GATA4: variants seen among roughly 807,000 people sequenced by gnomAD.
GATA4 encodes the protein transcription factor GATA-4.
A neutral mutation model predicts 37.9 loss-of-function variants in GATA4; 7 were observed. The ratio of observed to expected loss-of-function variants is 0.18; its 90% CI spans 0.11 to 0.35. The LOEUF is 0.35. Ranked by LOEUF, GATA4 falls within the 10% of genes least tolerant of loss-of-function variation. GATA4 has a pLI of 1.00. For missense variants in GATA4, 647 were observed against 653.0 expected (o/e 0.99, Z 0.10); for synonymous variants, 372 against 292.6 (o/e 1.27, Z -2.77).
chr8:11,712,415 C>T (rs1395296099), intron 2 of GATA4, among the ~76,000 whole-genome samples: 3 of 152,164 alleles, frequency 2.0e-5, no homozygotes, highest in Non-Finnish European at 4.4e-5. Flanking sequence ...CAGCATCATT[C>T]TTCCCTCTGC....
At chr8:11,680,344 G>C (rs1006018004) in intron 1 of GATA4, among the ~76,000 whole-genome samples, 1 of 152,262 alleles carries the variant, frequency 6.6e-6, no homozygotes, top group Non-Finnish European at 1.5e-5. Context: ...GGGCCCTGGA[G>C]CCGGGGAATC....
At chr8:11,728,022 C>T (rs938402952) in intron 2 of GATA4, among the ~76,000 whole-genome samples, 7 of 152,168 alleles carry the variant, frequency 4.6e-5, no homozygotes, top group South Asian at 2.1e-4. Flanking sequence ...TGGAGTTTCA[C>T]GCTTGTTGCC....
chr8:11,677,933 T>C (rs1798834386), intron 1 of GATA4, among the ~76,000 whole-genome samples: 1 of 151,908 alleles, frequency 6.6e-6, no homozygotes, highest in South Asian at 2.1e-4. Flanking sequence ...AAGTCGAAAT[T>C]ACCTCTACTT....
In GATA4 at chr8:11,709,018, G is replaced by A; in HGVS notation, c.616+90G>A. ...GAGGGCCTCTTGTTTTTCCACCAAC[G>A]CCTTCGTTGGGCTGGGGATGGTGCT... is the stretch of plus-strand genomic sequence containing the variant. On this transcript the variant is annotated intron_variant, in intron 2 of 6. Transcript: ENST00000532059. The surrounding 1 kb of genome is among the most constrained non-coding windows in gnomAD (Gnocchi z 4.3). The A allele has an allele frequency of 1.5e-6, 2 of 1,310,586 alleles. No homozygotes were observed. Among genetic ancestry groups the A allele is most frequent in the Non-Finnish European group, 2.0e-6 (2 of 991,146 alleles). The allele number at this position is 1,310,586 out of a possible 1,614,324, so 81.2% of individuals were successfully genotyped here.
intron 2 of GATA4, among the ~76,000 whole-genome samples, chr8:11,720,750 A>G (rs1172310259): frequency 1.3e-5 from 2 of 151,640 alleles, no homozygotes; most frequent in African/African-American, 4.8e-5. Flanking sequence ...CTACAGCTCC[A>G]TGTATGTTCC....
intron 2 of GATA4, among the ~76,000 whole-genome samples, chr8:11,719,766 TC>T (rs770972393): frequency 5.3e-4 from 81 of 152,192 alleles, no homozygotes; most frequent in Non-Finnish European, 7.8e-4. Context: ...CCAGATTGGA[TC>T]CTTAAACACT....
At chr8:11,677,186 GGGGGA>G in intron 1 of GATA4, 1 of 152,764 alleles carries the variant, frequency 6.5e-6, no homozygotes, top group Non-Finnish European at 1.5e-5. Context: ...AGAGGGAGGT[GGGGGA>G]GGGGAGGGGA....
At chr8:11,693,562 C>CACACACAGAGAG (rs1405047773) in intron 1 of GATA4, among the ~76,000 whole-genome samples, 3 of 72,230 alleles carry the variant, frequency 4.2e-5, no homozygotes, top group African/African-American at 1.5e-4. Flanking sequence ...CACACACACA[C>CACACACAGAGAG]AGAGAGAGAG....
rs568100849 is a variant in GATA4 at position 11,750,801 on chromosome 8, G to A, written c.912+565G>A. Among the ~76,000 whole-genome samples the A allele has an allele frequency of 7.1e-4, 99 of 140,414 alleles. 1 individual carries two copies. The highest frequency in any genetic ancestry group is 2.7e-3 in the African/African-American group (96 of 36,136). The allele number at this position is 140,414 out of a possible 152,430, so 92.1% of individuals were successfully genotyped here. A position where few individuals can be genotyped will look rare whatever the true frequency, so the allele number is the denominator to read the frequency against. ...AAAAAAAAAAAAAAAAAAAAATCTA[G>A]CTGGGCATGGTGGTGCATGCCTCTA... On this transcript the variant is annotated intron_variant, in intron 4 of 6. Transcript: ENST00000532059.
intron 1 of GATA4, among the ~76,000 whole-genome samples, chr8:11,683,773 GA>G (rs1373083436): frequency 1.3e-5 from 2 of 152,176 alleles, no homozygotes; most frequent in Non-Finnish European, 2.9e-5. Flanking sequence ...AAGGGCCCCA[GA>G]GGTTATCTAG....
intron 6 of GATA4, among the ~76,000 whole-genome samples, chr8:11,757,654 A>G (rs951913892): frequency 1.3e-5 from 2 of 152,216 alleles, no homozygotes; most frequent in African/African-American, 2.4e-5. Context: ...GGTCACAGGC[A>G]GGATGCCACT....
chr8:11,702,713 C>A (rs538023264), upstream of GATA4, among the ~76,000 whole-genome samples: 1 of 152,140 alleles, frequency 6.6e-6, no homozygotes, highest in African/African-American at 2.4e-5. The surrounding 1 kb of genome is among the most constrained non-coding windows in gnomAD (Gnocchi z 4.4). Context: ...AAGTGTGTCG[C>A]CCCCAGCTTC....
chr8:11,688,929 T>G (rs140689793), upstream of GATA4, among the ~76,000 whole-genome samples: 59 of 152,326 alleles, frequency 3.9e-4, no homozygotes, highest in African/African-American at 1.3e-3. Context: ...AATCAACAGA[T>G]GATTTATTTG....
At chr8:11,706,643 A>C (rs1585590786) in intron 1 of GATA4, among the ~76,000 whole-genome samples, 1 of 152,218 alleles carries the variant, frequency 6.6e-6, no homozygotes, top group Non-Finnish European at 1.5e-5. Flanking sequence ...ATTCTTGTAA[A>C]TCTACTATTG....
chr8:11,707,064 T>C lies in GATA4; in HGVS notation c.-457-792T>C, dbSNP rs1290449770. ...GCTTATGGGTGGATTTATTATTCTA[T>C]ATGAAGAACCCATTCAGTGAATTAG... is the stretch of plus-strand genomic sequence containing the variant. On this transcript the variant is annotated intron_variant, in intron 1 of 6. Coordinates refer to ENST00000532059, the MANE Select transcript of GATA4 (RefSeq NM_001308093.3). The surrounding 1 kb of genome is among the most constrained non-coding windows in gnomAD (Gnocchi z 4.7). 1.3e-5 allele frequency among the ~76,000 whole-genome samples: 2 copies of C among 152,244 alleles called. No homozygotes were observed. Among genetic ancestry groups the C allele is most frequent in the Non-Finnish European group, 2.9e-5 (2 of 68,040 alleles).
intron 2 of GATA4, among the ~76,000 whole-genome samples, chr8:11,728,984 G>C (rs993794128): frequency 6.6e-6 from 1 of 152,178 alleles, no homozygotes; most frequent in African/African-American, 2.4e-5. Flanking sequence ...TGTAATCCCA[G>C]TACTTCGGGA....
rs992933587 is a variant in GATA4, at chr8:11,679,286, G to T, written c.-274+2223G>T. On this transcript the variant is annotated intron_variant, in intron 1 of 6. Transcript: ENST00000528712. ...GATCTCCACGGTCGCGCGAATTCGG[G>T]CAATTTTTCTGAAGGTTCTCAGACT... Among the ~76,000 whole-genome samples the T allele has an allele frequency of 2.6e-5, 4 of 151,772 alleles. No homozygotes were observed. The South Asian group carries it at 8.3e-4, about 32-fold the overall frequency.
chr8:11,693,947 G>A (rs116882885), intron 1 of GATA4, among the ~76,000 whole-genome samples: 229 of 152,304 alleles, frequency 1.5e-3, no homozygotes, highest in Non-Finnish European at 2.4e-3. Flanking sequence ...GTGTGTGTGT[G>A]TTGAGGTCCA....
At chr8:11,679,616 C>T (rs1798889796) in intron 1 of GATA4, among the ~76,000 whole-genome samples, 1 of 152,242 alleles carries the variant, frequency 6.6e-6, no homozygotes. Flanking sequence ...CCTGGGCCCC[C>T]CACCTGCCCG....
Sources: allele counts gnomAD v4.1 joint callset (sites outside exome capture counted in the v4.1 genomes callset), GRCh38; gene constraint gnomAD v4.1.1; non-coding constraint Gnocchi (gnomAD v3.1); transcripts MANE v1.5; gene names NCBI Gene and HGNC (gene_info 2026-07-23, HGNC 2026-07-21).